Variants in MAGI2 observed in about 807,000 individuals in gnomAD.
The protein encoded by MAGI2 is membrane associated guanylate kinase, WW and PDZ domain containing 2.
In MAGI2, 35 loss-of-function variants were observed where a neutral mutation model predicts 133.3. That is an observed-to-expected ratio of 0.26 (90% CI 0.20 to 0.35). The LOEUF (loss-of-function observed/expected upper bound fraction) is 0.35. Among genes scored for constraint, MAGI2 ranks in the 10% least tolerant of loss-of-function variants. MAGI2 has a pLI of 1.00. For synonymous variants in MAGI2, 729 were observed against 710.6 expected, an observed-to-expected ratio of 1.03 and a Z score of -0.41; for missense variants, 1,636 against 1,863.4, an observed-to-expected ratio of 0.88 and a Z score of 2.25.
At chr7:79,277,548 A>G (rs1835325045) in intron 1 of MAGI2, among the ~76,000 whole-genome samples, 1 of 152,124 alleles carries the variant, frequency 6.6e-6, no homozygotes, top group South Asian at 2.1e-4. Flanking sequence ...GTATATATAT[A>G]TACAGAGCTA....
intron 6 of MAGI2, among the ~76,000 whole-genome samples, chr7:78,475,561 T>C (rs1563055207): frequency 6.6e-6 from 1 of 151,952 alleles, no homozygotes; most frequent in Non-Finnish European, 1.5e-5. Context: ...AATACAGACC[T>C]GGCTAGAGTA....
At chr7:78,234,602 T>C (rs1166737461) in intron 10 of MAGI2, among the ~76,000 whole-genome samples, 1 of 10,662 alleles carries the variant, frequency 9.4e-5, no homozygotes, top group Non-Finnish European at 4.2e-4. Context: ...ATATAATGAA[T>C]ATATTTCATA....
chr7:78,736,282 T>C (rs1309653258), intron 2 of MAGI2, among the ~76,000 whole-genome samples: 2 of 152,150 alleles, frequency 1.3e-5, no homozygotes, highest in Non-Finnish European at 2.9e-5. Flanking sequence ...AAAAGAAACT[T>C]AGAGATATAT....
intron 2 of MAGI2, among the ~76,000 whole-genome samples, chr7:78,821,719 A>G (rs1025646340): frequency 2.6e-5 from 4 of 151,834 alleles, no homozygotes; most frequent in Non-Finnish European, 5.9e-5. Flanking sequence ...CTAATGTCAA[A>G]CAGTTATTCT....
intron 3 of MAGI2, among the ~76,000 whole-genome samples, chr7:78,528,298 T>C (rs893625769): frequency 1.1e-4 from 17 of 152,206 alleles, no homozygotes; most frequent in Admixed American, 1.0e-3. Flanking sequence ...CAGCTGATCA[T>C]AATTATGTTA....
chr7:78,229,575 A>G (rs964803026), intron 10 of MAGI2, among the ~76,000 whole-genome samples: 4 of 152,196 alleles, frequency 2.6e-5, no homozygotes, highest in Admixed American at 2.6e-4. Flanking sequence ...CTAGGTCAGG[A>G]GGAGACAGCC....
At chr7:78,644,996 T>C (rs1412490215) in intron 2 of MAGI2, among the ~76,000 whole-genome samples, 1 of 152,148 alleles carries the variant, frequency 6.6e-6, no homozygotes, top group Non-Finnish European at 1.5e-5. Flanking sequence ...TTTATGCCAA[T>C]ATATTTGACA....
At position 79,235,800 on chromosome 7, in the gene MAGI2, G is replaced by C. The variant is rs941389976; in HGVS notation, c.301+217220C>G. Among the ~76,000 whole-genome samples, 11 of 152,164 alleles carry C rather than the reference G, an allele frequency of 7.2e-5. No individual in the cohort carries two copies. In the South Asian group the frequency reaches 1.7e-3, roughly 23 times the overall value. On this transcript the variant is annotated intron_variant, in intron 1 of 21. Transcript: ENST00000354212. ...CTGTAGACCGGAGCTGTTCCTATTCGGCCATCTTGGCCTTGAAAAATATTC... is the reference window on the plus strand; with the variant it reads ...CTGTAGACCGGAGCTGTTCCTATTCCGCCATCTTGGCCTTGAAAAATATTC...
chr7:78,214,150 C>T (rs1024827690), intron 10 of MAGI2, among the ~76,000 whole-genome samples: 1 of 152,208 alleles, frequency 6.6e-6, no homozygotes, highest in African/African-American at 2.4e-5. Context: ...CCGAAGCCCA[C>T]TGATTTGTCT....
intron 1 of MAGI2, among the ~76,000 whole-genome samples, chr7:79,085,757 T>C (rs977345578): frequency 5.9e-5 from 9 of 151,892 alleles, no homozygotes; most frequent in Non-Finnish European, 1.5e-5. Flanking sequence ...TGCTAACGAC[T>C]CTGATCAGTC....
At chr7:78,630,254 T>C (rs750986669) in intron 2 of MAGI2, among the ~76,000 whole-genome samples, 2 of 151,914 alleles carry the variant, frequency 1.3e-5, no homozygotes, top group Admixed American at 6.6e-5. Flanking sequence ...CTTTTTTTTG[T>C]CTATAATTCT....
At chr7:78,958,872 G>A (rs1802619309) in intron 2 of MAGI2, among the ~76,000 whole-genome samples, 1 of 152,058 alleles carries the variant, frequency 6.6e-6, no homozygotes, top group African/African-American at 2.4e-5. Flanking sequence ...GCTTAAAAGA[G>A]CACTGAAGAT....
At chr7:78,987,166 G>A (rs148052882) in intron 2 of MAGI2, among the ~76,000 whole-genome samples, 2,878 of 152,088 alleles carry the variant, frequency 0.019, 95 homozygotes, top group African/African-American at 0.065. Context: ...TCTAAACAAG[G>A]CAAGGAGGTG....
intron 10 of MAGI2, among the ~76,000 whole-genome samples, chr7:78,202,796 A>C (rs1293000788): frequency 6.6e-6 from 1 of 152,080 alleles, no homozygotes; most frequent in Non-Finnish European, 1.5e-5. Flanking sequence ...CTTACCCAAG[A>C]AGTTGGTAAA....
At chr7:79,382,077 C>G (rs1843831549) in intron 1 of MAGI2, among the ~76,000 whole-genome samples, 2 of 151,572 alleles carry the variant, frequency 1.3e-5, no homozygotes, top group Non-Finnish European at 3.0e-5. Context: ...GACAGTCTAA[C>G]AGCTTTTGGC....
intron 2 of MAGI2, among the ~76,000 whole-genome samples, chr7:78,767,143 C>A (rs1245513005): frequency 6.6e-6 from 1 of 152,108 alleles, no homozygotes; most frequent in African/African-American, 2.4e-5. Flanking sequence ...GTGCGTGCCA[C>A]CACACCTGGC....
At chr7:79,275,510 A>G (rs1835166884) in intron 1 of MAGI2, among the ~76,000 whole-genome samples, 2 of 152,226 alleles carry the variant, frequency 1.3e-5, no homozygotes, top group African/African-American at 4.8e-5. Context: ...TCAATAACTT[A>G]AAAGTACAAG....
At chr7:79,204,543 C>T (rs1393816978) in intron 1 of MAGI2, among the ~76,000 whole-genome samples, 1 of 152,028 alleles carries the variant, frequency 6.6e-6, no homozygotes, top group East Asian at 1.9e-4. Flanking sequence ...GACATCAACA[C>T]ATGACCACAG....
chr7:78,233,427 T>C (rs964054300), intron 10 of MAGI2, among the ~76,000 whole-genome samples: 5 of 152,044 alleles, frequency 3.3e-5, no homozygotes, highest in African/African-American at 1.2e-4. Flanking sequence ...GCATTTTCAA[T>C]AGTGGGATGG....
Sources: gnomAD v4.1 joint callset for allele counts (sites outside exome capture counted in the v4.1 genomes callset) on GRCh38, gnomAD v4.1.1 for gene constraint, MANE v1.5 for transcripts, NCBI Gene and HGNC (gene_info 2026-07-23, HGNC 2026-07-21) for gene names.